The following RSF1 variants were observed in gnomAD, a reference collection of about 807,000 sequenced individuals.
RSF1 encodes HBV pX-associated protein 8.
Under a neutral mutation model 145.2 loss-of-function variants are expected in RSF1, and 13 were observed. The observed-to-expected ratio is 0.09, with a 90% CI of 0.06 to 0.14. The LOEUF (loss-of-function observed/expected upper bound fraction) is 0.14, where lower values mean the gene tolerates loss of function less well. RSF1 is among the 10% of genes least tolerant of loss of function. The pLI is 1.00. For missense variants in RSF1, 1,517 were observed against 1,718.2 expected (o/e 0.88, Z 2.07); for synonymous variants, 577 against 592.6 (o/e 0.97, Z 0.38).
chr11:77,673,828 CAAAAG>C (rs1959620746), intron 14 of RSF1, among the ~76,000 whole-genome samples: 1 of 151,910 alleles, frequency 6.6e-6, no homozygotes, highest in Admixed American at 6.6e-5. Flanking sequence ...CACAAGGAAA[CAAAAG>C]AAATCAAAAC....
the RSF1 span, chr11:77,840,947 G>T: frequency 4.3e-6 from 2 of 462,496 alleles, no homozygotes; most frequent in African/African-American, 3.8e-5. Flanking sequence ...AATCCATGTT[G>T]TGCTCCTATA....
chr11:77,739,620 G>A (rs1961458088), intron 4 of RSF1: 2 of 152,168 alleles, frequency 1.3e-5, no homozygotes, highest in South Asian at 2.1e-4. Context: ...TAATCACTAA[G>A]AGAAATCTGC....
At chr11:77,716,928 T>G (rs1368527390) in intron 5 of RSF1, among the ~76,000 whole-genome samples, 1 of 152,080 alleles carries the variant, frequency 6.6e-6, no homozygotes, top group East Asian at 1.9e-4. Flanking sequence ...CTATAATCCT[T>G]GCACTTTGGG....
At chr11:77,832,632 G>A in the RSF1 span, among the ~76,000 whole-genome samples, 1 of 151,316 alleles carries the variant, frequency 6.6e-6, no homozygotes, top group East Asian at 1.9e-4. Flanking sequence ...GGCCATAGAG[G>A]AACTTTTATA....
intron 4 of RSF1, among the ~76,000 whole-genome samples, chr11:77,731,386 A>G (rs1190067868): frequency 6.6e-6 from 1 of 152,266 alleles, no homozygotes; most frequent in Non-Finnish European, 1.5e-5. Context: ...TAAGGGAAGC[A>G]GAGTATAAAA....
chr11:77,715,575 G>A (rs1345899350), intron 5 of RSF1, among the ~76,000 whole-genome samples: 1 of 152,146 alleles, frequency 6.6e-6, no homozygotes, highest in Non-Finnish European at 1.5e-5. Flanking sequence ...GGCTTCCCAA[G>A]TAGCTGGGAT....
intron 13 of RSF1, among the ~76,000 whole-genome samples, chr11:77,676,369 G>C (rs1231164865): frequency 6.6e-6 from 1 of 150,820 alleles, no homozygotes; most frequent in African/African-American, 2.4e-5. Flanking sequence ...TTCCAACTCT[G>C]CAAAGAAGCC....
At chr11:77,729,009 T>C (rs879716973) in intron 4 of RSF1, among the ~76,000 whole-genome samples, 6 of 152,146 alleles carry the variant, frequency 3.9e-5, no homozygotes, top group Admixed American at 3.9e-4. Flanking sequence ...TTAGGGTAGA[T>C]GTGGAGTGAG....
rs569959680 is a variant in RSF1 at position 77,794,999 on chromosome 11, G to A, written c.187+25529C>T. On this transcript the variant is annotated intron_variant, in intron 1 of 15. Transcript: ENST00000308488. ...ACCTCTTAGAACATTCAGTAATGCC[G>A]CAAGAGACAAAAATCAACATATAAA... Among the ~76,000 whole-genome samples, 23 of 152,110 alleles carry A rather than the reference G, an allele frequency of 1.5e-4. No individual in the cohort carries two copies. The South Asian group carries it at 2.5e-3, about 16-fold the overall frequency.
At position 77,699,087 on chromosome 11, in the gene RSF1, T is replaced by C. The variant is rs561630436; in HGVS notation, c.2509-394A>G. Among the ~76,000 whole-genome samples, 3 of 152,344 alleles carry C rather than the reference T, an allele frequency of 2.0e-5. No individual in the cohort carries two copies. The South Asian group carries it at 6.2e-4, about 32-fold the overall frequency. On this transcript the variant is annotated intron_variant, in intron 6 of 15. Coordinates refer to ENST00000308488, the MANE Select transcript of RSF1 (RefSeq NM_016578.4). ...ATCTTTACAAATATTTTTACACACA[T>C]CTCTGTGGTTAGGATAAATTCCTTG...
At chr11:77,843,885 G>A in the RSF1 span, among the ~76,000 whole-genome samples, 1,543 of 152,240 alleles carry the variant, frequency 0.01, 24 homozygotes, top group African/African-American at 0.033. Flanking sequence ...AGCAAGTCAC[G>A]TCTTACATGG....
chr11:77,666,093 C>G lies in RSF1; in HGVS notation c.*824G>C, dbSNP rs1226909308. 6.6e-6 allele frequency: 1 copy of G among 152,186 alleles called. No individual in the cohort carries two copies. Among genetic ancestry groups the G allele is most frequent in the Non-Finnish European group, 1.5e-5 (1 of 68,036 alleles). 9.4% of individuals were successfully genotyped at this position (152,186 alleles called of 1,614,324 possible). A position where few individuals can be genotyped will look rare whatever the true frequency, so the allele number is the denominator to read the frequency against. ...CCCAGGCCTTAAGAAAGACCACATT[C>G]ATTTCACTAATAACTCTCCATCAGA... is the stretch of plus-strand genomic sequence containing the variant. On this transcript the variant is annotated 3_prime_UTR_variant, in exon 16 of 16. Transcript: ENST00000308488.
At position 77,802,434 on chromosome 11, in the gene RSF1, C is replaced by T. The variant is rs185622633; in HGVS notation, c.187+18094G>A. 1.9e-3 allele frequency among the ~76,000 whole-genome samples: 289 copies of T among 152,264 alleles called. 4 individuals carry two copies. The highest frequency in any genetic ancestry group is 6.8e-3 in the African/African-American group (281 of 41,546). On this transcript the variant is annotated intron_variant, in intron 1 of 15. Transcript: ENST00000308488. ...TTTTAATACACCCACTTGGTGTGTG[C>T]AGAGAAATGGAAAATTGCTTGGTGT... is the stretch of plus-strand genomic sequence containing the variant.
chr11:77,787,833 T>TAAAAAA (rs57568918), intron 1 of RSF1, among the ~76,000 whole-genome samples: 1 of 129,494 alleles, frequency 7.7e-6, no homozygotes, highest in Non-Finnish European at 1.6e-5. Context: ...TTCAGAACAG[T>TAAAAAA]AAAAAAAAAA....
Position 77,761,828 on chromosome 11 carries a change from A to ACTTTTTT in RSF1, c.279+2769_279+2770insAAAAAAG, listed in dbSNP as rs370490355. Among the ~76,000 whole-genome samples, 35 of 119,564 alleles carry ACTTTTTT rather than the reference A, an allele frequency of 2.9e-4. 1 individual carries two copies. The highest frequency in any genetic ancestry group is 1.1e-3 in the African/African-American group (32 of 30,088). The allele number at this position is 119,564 out of a possible 152,430, so 78.4% of individuals were successfully genotyped here. Reference sequence around the variant, plus strand: ...TGCTAGTTTAAATTTCCATTCGGTGATTTTTTTTTTTTTTTTTTTTGAGAC... The same window carrying ACTTTTTT: ...TGCTAGTTTAAATTTCCATTCGGTGACTTTTTTTTTTTTTTTTTTTTTTTTTTGAGAC... On this transcript the variant is annotated intron_variant, in intron 2 of 15. Transcript: ENST00000308488.
At chr11:77,704,297 G>A (rs1243003672) in intron 5 of RSF1, among the ~76,000 whole-genome samples, 1 of 152,144 alleles carries the variant, frequency 6.6e-6, no homozygotes, top group Admixed American at 6.5e-5. Flanking sequence ...GGGTGACAGA[G>A]TGAGATCCTG....
chr11:77,863,155 C>T, the RSF1 span, among the ~76,000 whole-genome samples: 4 of 152,116 alleles, frequency 2.6e-5, no homozygotes, highest in Non-Finnish European at 5.9e-5. Context: ...CCGTGGGTCA[C>T]GGAAGAGAAC....
At chr11:77,795,903 T>C (rs567221273) in intron 1 of RSF1, among the ~76,000 whole-genome samples, 1 of 152,216 alleles carries the variant, frequency 6.6e-6, no homozygotes, top group African/African-American at 2.4e-5. Flanking sequence ...GAACTTGTTA[T>C]TGGTTTCCTC....
At chr11:77,711,064 T>C (rs1192172673) in intron 5 of RSF1, among the ~76,000 whole-genome samples, 3 of 151,082 alleles carry the variant, frequency 2.0e-5, no homozygotes, top group African/African-American at 7.3e-5. Flanking sequence ...GGTTTACCAA[T>C]GTCTCTAAGC....
Sources: allele counts gnomAD v4.1 joint callset (sites outside exome capture counted in the v4.1 genomes callset), GRCh38; gene constraint gnomAD v4.1.1; transcripts MANE v1.5; gene names NCBI Gene and HGNC (gene_info 2026-07-23, HGNC 2026-07-21).